RET: variants seen among roughly 807,000 people sequenced by gnomAD.
The protein encoded by RET is ret proto-oncogene.
Under a neutral mutation model 118.3 loss-of-function variants are expected in RET, and 19 were observed. The ratio of observed to expected loss-of-function variants is 0.16; its 90% CI spans 0.11 to 0.24. The LOEUF (loss-of-function observed/expected upper bound fraction) is 0.24, where lower values mean the gene tolerates loss of function less well. Among genes scored for constraint, RET ranks in the 10% least tolerant of loss-of-function variants. The pLI is 1.00. For synonymous variants in RET, 597 were observed against 644.1 expected (o/e 0.93, Z 1.11); for missense variants, 1,219 against 1,502.1 (o/e 0.81, Z 3.12).
intron 1 of RET, among the ~76,000 whole-genome samples, chr10:43,087,728 A>G (rs932476937): frequency 2.0e-5 from 3 of 152,204 alleles, no homozygotes; most frequent in African/African-American, 7.2e-5. Context: ...AGGGTTATAA[A>G]TACAACAGCG....
Position 43,128,748 on chromosome 10 carries a change from A to C in RET, c.*479A>C. ...GCCCTGATGACCTGTCCTTATTCAG[A>C]ATGAGAGACTGCGGGGGGGGCCTGG... On this transcript the variant is annotated 3_prime_UTR_variant, in exon 20 of 20. Coordinates refer to ENST00000355710, the MANE Select transcript of RET (RefSeq NM_020975.6). The C allele has an allele frequency of 3.1e-6, 1 of 318,226 alleles. No individual in the cohort carries two copies. Among genetic ancestry groups the C allele is most frequent in the Non-Finnish European group, 5.9e-6 (1 of 169,262 alleles). The allele number at this position is 318,226 out of a possible 1,614,324, so 19.7% of individuals were successfully genotyped here. A position where few individuals can be genotyped will look rare whatever the true frequency, so the allele number is the denominator to read the frequency against.
rs2133016137 is a variant in RET, at chr10:43,124,896, C to T, written c.2953C>T (p.Leu985=). Residue 985 remains leucine, a synonymous_variant, in exon 18 of 20, where the codon CTG becomes TTG. Transcript: ENST00000355710. ...TCTTCCCACCAGGTACCGCCTGATG[C>T]TGCAATGCTGGAAGCAGGAGCCGGA... ...NCSEEMYRLM[L]QCWKQEPDKR... The T allele has an allele frequency of 6.2e-7, 1 of 1,614,144 alleles. No individual in the cohort carries two copies.
chr10:43,088,418 AGGTG>A (rs950494102), intron 1 of RET, among the ~76,000 whole-genome samples: 2 of 137,498 alleles, frequency 1.5e-5, no homozygotes, highest in Admixed American at 7.1e-5. Flanking sequence ...ATGATGGTGA[AGGTG>A]GGGATGGTGG....
intron 6 of RET, 45 bp from the exon 7 acceptor site, chr10:43,111,162 G>A (rs1415148728): frequency 1.2e-6 from 2 of 1,610,280 alleles, no homozygotes; most frequent in Non-Finnish European, 1.7e-6. Context: ...GCCATTACAG[G>A]CCGGTCCAGC....
At chr10:43,124,007 T>C (rs553940890) in intron 17 of RET, among the ~76,000 whole-genome samples, 199 bp downstream of exon 17, 2 of 152,124 alleles carry the variant, frequency 1.3e-5, no homozygotes, top group South Asian at 4.1e-4. Context: ...GCTGGTGGGC[T>C]TCCTAGGGGG....
chr10:43,113,569 TG>T lies in RET; in HGVS notation c.1778del (p.Gly593AspfsTer45). 6.2e-7 allele frequency: 1 copy of T among 1,609,014 alleles called. No homozygotes were observed. ...PQDCLRGSIV[G>X]GHEPGEPRGI... ...GTCTGCCCTCAGGGGGCAGCATTGT[TG>T]GGGGACACGAGCCTGGGGAGCCCCG... On this transcript the variant is annotated frameshift_variant, in exon 10 of 20. Coordinates refer to ENST00000355710, the MANE Select transcript of RET (RefSeq NM_020975.6). LOFTEE classifies it high-confidence loss of function.
rs147692872 is a variant in RET, at chr10:43,113,674, G to C, written c.1878G>C (p.Gln626His). 6.2e-7 allele frequency: 1 copy of C among 1,613,050 alleles called. No homozygotes were observed. The highest frequency in any genetic ancestry group is 8.5e-7 in the Non-Finnish European group (1 of 1,179,848). Residue 626 changes from glutamine to histidine, a missense_variant and splice_region_variant, in exon 10 of 20, where the codon CAG becomes CAC. Gln to His is a conservative substitution (Grantham distance 24). Transcript: ENST00000355710. ...EKCFCEPEDI[Q>H]DPLCDELCRT... ...GCTTCTGCGAGCCCGAAGACATCCA[G>C]GGTGAGTGGGTGGCGGCCGGGACCA...
rs940596926 is a variant in RET, at chr10:43,106,178, G to C, written c.868-198G>C. 2.0e-5 allele frequency among the ~76,000 whole-genome samples: 3 copies of C among 152,238 alleles called. No homozygotes were observed. The highest frequency in any genetic ancestry group is 7.2e-5 in the African/African-American group (3 of 41,462). ...CACAGGCGAGGCTCAGTGGCTCAGGGAAGGTGACGGCCAGGCTGGCCAGTG... is the reference window on the plus strand; with the variant it reads ...CACAGGCGAGGCTCAGTGGCTCAGGCAAGGTGACGGCCAGGCTGGCCAGTG... On this transcript the variant is annotated intron_variant, in intron 4 of 19. Coordinates refer to ENST00000355710, the MANE Select transcript of RET (RefSeq NM_020975.6). The surrounding 1 kb of genome is among the most constrained non-coding windows in gnomAD (Gnocchi z 5.1).
intron 1 of RET, among the ~76,000 whole-genome samples, chr10:43,092,964 C>T (rs553785732): frequency 6.6e-6 from 1 of 152,332 alleles, no homozygotes; most frequent in East Asian, 1.9e-4. Flanking sequence ...AAATTCTGAC[C>T]ATTTCCCAAA....
chr10:43,118,306 C>A, intron 12 of RET, 67 bp from the exon 13 acceptor site: 1 of 1,267,360 alleles, frequency 7.9e-7, no homozygotes, highest in Non-Finnish European at 1.1e-6. Flanking sequence ...TCCATCCTGA[C>A]CTGGTATGGT....
chr10:43,121,881 T>C (rs1838225716), intron 15 of RET, 65 bp from the exon 16 acceptor site: 1 of 1,280,554 alleles, frequency 7.8e-7, no homozygotes, highest in African/African-American at 1.5e-5. Flanking sequence ...CCTGGCCTTC[T>C]CCTTTACCCC....
At chr10:43,116,546 T>G (rs755102936) in intron 11 of RET, 38 bp from the exon 12 acceptor site, 31 of 1,612,964 alleles carry the variant, frequency 1.9e-5, no homozygotes, top group Non-Finnish European at 5.1e-6. Context: ...CTCACACTTT[T>G]CCCCCCTCTT....
Position 43,106,339 on chromosome 10 carries a change from C to T in RET, c.868-37C>T, listed in dbSNP as rs763275151. ...GTTTTGGGGGGTCTGAGGGGCCCAT[C>T]TCGCCTGCACTGACCAACGCCCTCT... On this transcript the variant is annotated intron_variant, in intron 4 of 19. Transcript: ENST00000355710. This position sits in a 1 kb window ranked among gnomAD's most constrained non-coding sequence, Gnocchi z 5.1. The T allele has an allele frequency of 6.3e-7, 1 of 1,597,734 alleles. No individual in the cohort carries two copies. The highest frequency in any genetic ancestry group is 8.5e-7 in the Non-Finnish European group (1 of 1,176,646).
Position 43,105,075 on chromosome 10 carries a change from G to T in RET, c.749G>T (p.Arg250Leu), listed in dbSNP as rs1662568698. 1.9e-6 allele frequency: 3 copies of T among 1,610,714 alleles called. No homozygotes were observed. Among genetic ancestry groups the T allele is most frequent in the East Asian group, 4.5e-5 (2 of 44,828 alleles). The change falls in exon 4 of 20, where the codon CGC becomes CTC. Residue 250 changes from arginine (R) to leucine (L), a missense_variant. By Grantham distance (102) the Arg-to-Leu change is moderately radical. Around this residue, in one of 5 missense-constraint regions of RET, gnomAD observed 850 missense variants for 969.6 expected, o/e 0.88. Coordinates refer to ENST00000355710, the MANE Select transcript of RET (RefSeq NM_020975.6). ...VAVCTVHAGAREEVVMVPFPV... is the reference protein window; with the variant it reads ...VAVCTVHAGALEEVVMVPFPV... ...GTGTGCACCGTGCACGCCGGCGCGCGCGAGGAGGTGGTGATGGTGCCCTTC... is the reference window on the plus strand; with the variant it reads ...GTGTGCACCGTGCACGCCGGCGCGCTCGAGGAGGTGGTGATGGTGCCCTTC...
At position 43,105,343 on chromosome 10, in the gene RET, C is replaced by T. The variant is rs1157004738; in HGVS notation, c.867+150C>T. 23 of 1,270,698 alleles carry T rather than the reference C, an allele frequency of 1.8e-5. No homozygotes were observed. The East Asian group carries it at 4.8e-4, about 26-fold the overall frequency. The allele number at this position is 1,270,698 out of a possible 1,614,324, so 78.7% of individuals were successfully genotyped here. A position where few individuals can be genotyped will look rare whatever the true frequency, so the allele number is the denominator to read the frequency against. On this transcript the variant is annotated intron_variant, in intron 4 of 19. Coordinates refer to ENST00000355710, the MANE Select transcript of RET (RefSeq NM_020975.6). The stretch of plus-strand genomic sequence containing the variant: ...CTTCGCCTCCGTCTGCGCCGTCTGT[C>T]CTAGGGGGAGGGGAAGGGGGAGTCC...
At chr10:43,098,421 CTTT>C (rs36075879) in intron 1 of RET, among the ~76,000 whole-genome samples, 11 of 129,744 alleles carry the variant, frequency 8.5e-5, no homozygotes, top group African/African-American at 1.4e-4. Context: ...GATTTTCCTC[CTTT>C]TTTTTTTTTT....
At chr10:43,104,036 T>C (rs1044301207) in intron 3 of RET, among the ~76,000 whole-genome samples, 1 of 152,164 alleles carries the variant, frequency 6.6e-6, no homozygotes, top group African/African-American at 2.4e-5. Context: ...GGCGATGTAG[T>C]CTAGCGCGAG....
chr10:43,111,406 C>T lies in RET; in HGVS notation c.1463C>T (p.Thr488Ile), dbSNP rs1218693745. ...CAELHYMVVA[T>I]DQQTSRQAQA... ...GAACTTCACTACATGGTGGTGGCCACCGACCAGCAGACCTCTAGGCAGGCC... is the reference window on the plus strand; with the variant it reads ...GAACTTCACTACATGGTGGTGGCCATCGACCAGCAGACCTCTAGGCAGGCC... The change falls in exon 7 of 20, where the codon ACC becomes ATC. Residue 488 changes from threonine (T) to isoleucine (I), a missense_variant. This residue lies in a region of RET where 850 missense variants were observed against 969.6 expected (regional missense o/e 0.88). Transcript: ENST00000355710. 19 of 1,613,850 alleles carry T rather than the reference C, an allele frequency of 1.2e-5. No homozygotes were observed. The highest frequency in any genetic ancestry group is 1.6e-5 in the Non-Finnish European group (19 of 1,180,040).
In RET at chr10:43,104,778, C is replaced by A. The variant is rs892191834; in HGVS notation, c.626-174C>A. The A allele has an allele frequency of 4.1e-6, 4 of 975,730 alleles. No homozygotes were observed. The African/African-American group carries it at 4.9e-5, about 12-fold the overall frequency. 60.4% of individuals were successfully genotyped at this position (975,730 alleles called of 1,614,324 possible). ...AAACTCGTAAGCACAGTCATCGCTG[C>A]AAACTGCAAACTCGTGCTCCGAGCG... is the stretch of plus-strand genomic sequence containing the variant. On this transcript the variant is annotated intron_variant, in intron 3 of 19. Coordinates refer to ENST00000355710, the MANE Select transcript of RET (RefSeq NM_020975.6).
Sources: gnomAD v4.1 joint callset for allele counts (sites outside exome capture counted in the v4.1 genomes callset) on GRCh38, gnomAD v4.1.1 for gene constraint, gnomAD v4.1.1 regional missense constraint, Gnocchi (gnomAD v3.1) non-coding constraint, MANE v1.5 for transcripts, NCBI Gene and HGNC (gene_info 2026-07-23, HGNC 2026-07-21) for gene names.